The following AUTS2 variants were observed in gnomAD, a reference collection of about 807,000 sequenced individuals.
AUTS2 encodes autism susceptibility gene 2 protein.
In AUTS2, 17 loss-of-function variants were observed where a neutral mutation model predicts 112.4. The ratio of observed to expected loss-of-function variants is 0.15; its 90% CI spans 0.10 to 0.23. The LOEUF is 0.23. Ranked by LOEUF, AUTS2 falls within the 10% of genes least tolerant of loss-of-function variation. The pLI, the probability that AUTS2 is intolerant of heterozygous loss-of-function variation, is 1.00. For synonymous variants in AUTS2, 751 were observed against 702.7 expected (o/e 1.07, Z -1.09); for missense variants, 1,510 against 1,701.6 (o/e 0.89, Z 1.98).
At chr7:69,619,004 A>G (rs1038091102) in intron 1 of AUTS2, among the ~76,000 whole-genome samples, 9 of 152,186 alleles carry the variant, frequency 5.9e-5, no homozygotes, top group Admixed American at 1.3e-4. Flanking sequence ...CGAGGATTCT[A>G]TCATGCAGTC....
Position 70,166,439 on chromosome 7 carries a change from A to G in AUTS2, c.660+31868A>G, listed in dbSNP as rs546199774. On this transcript the variant is annotated intron_variant, in intron 4 of 18. Coordinates refer to ENST00000342771, the MANE Select transcript of AUTS2 (RefSeq NM_015570.4). ...ATGTTAAAATAAAATTTTGGCAATA[A>G]TACCTTAAAGGATGGGAGGGAGGAA... Among the ~76,000 whole-genome samples the G allele has an allele frequency of 7.9e-5, 12 of 152,264 alleles. No individual in the cohort carries two copies. In the South Asian group the frequency reaches 2.5e-3, roughly 32 times the overall value.
chr7:70,274,052 T>C (rs1787817463), intron 4 of AUTS2, among the ~76,000 whole-genome samples: 1 of 152,168 alleles, frequency 6.6e-6, no homozygotes, highest in East Asian at 1.9e-4. Flanking sequence ...TGAATTGCTT[T>C]GCTTTCCTCT....
intron 3 of AUTS2, 34 bp downstream of exon 3, chr7:70,118,267 A>AG (rs773344246): frequency 4.4e-4 from 649 of 1,467,698 alleles, no homozygotes; most frequent in Non-Finnish European, 5.7e-4. Flanking sequence ...AAAAAAAAAA[A>AG]TTAACGAAAA....
intron 1 of AUTS2, among the ~76,000 whole-genome samples, chr7:69,686,060 G>A (rs544065115): frequency 1.8e-4 from 28 of 152,312 alleles, no homozygotes; most frequent in African/African-American, 6.3e-4. Flanking sequence ...TAGACTTCAT[G>A]TATGGAACCA....
At chr7:70,619,097 C>A (rs891502062) in intron 5 of AUTS2, among the ~76,000 whole-genome samples, 2 of 152,194 alleles carry the variant, frequency 1.3e-5, no homozygotes, top group Non-Finnish European at 2.9e-5. Flanking sequence ...AGCCACCAGG[C>A]TCTCCCTGGG....
intron 4 of AUTS2, among the ~76,000 whole-genome samples, chr7:70,209,659 G>C (rs955512277): frequency 2.0e-5 from 3 of 152,180 alleles, no homozygotes; most frequent in Admixed American, 1.3e-4. Flanking sequence ...AAGAGAAAAA[G>C]GTGTTTCATA....
At chr7:70,499,858 A>G (rs1375990840) in intron 5 of AUTS2, among the ~76,000 whole-genome samples, 1 of 152,226 alleles carries the variant, frequency 6.6e-6, no homozygotes, top group Non-Finnish European at 1.5e-5. Context: ...AGGTCTGACC[A>G]AATGATAGAA....
rs185419396 is a variant in AUTS2 at position 69,738,464 on chromosome 7, T to G, written c.309+138502T>G. 3.0e-3 allele frequency among the ~76,000 whole-genome samples: 453 copies of G among 152,324 alleles called. 2 individuals carry two copies. The highest frequency in any genetic ancestry group is 4.7e-3 in the Non-Finnish European group (323 of 68,032). The stretch of plus-strand genomic sequence containing the variant: ...AAGAGTCTTGTGGTTAGTCAGCTTC[T>G]GTGAGAGTGAGAGTGGGCTGCCCTG... On this transcript the variant is annotated intron_variant, in intron 1 of 18. Transcript: ENST00000342771.
chr7:70,126,425 A>G (rs1805973882), intron 3 of AUTS2, among the ~76,000 whole-genome samples: 1 of 151,820 alleles, frequency 6.6e-6, no homozygotes, highest in Non-Finnish European at 1.5e-5. Flanking sequence ...AAGAAGAAAA[A>G]CCCAAATATG....
chr7:69,806,189 A>C lies in AUTS2; in HGVS notation c.310-93097A>C, dbSNP rs1790295157. 2.4e-5 allele frequency among the ~76,000 whole-genome samples: 3 copies of C among 123,852 alleles called. No individual in the cohort carries two copies. The South Asian group carries it at 8.9e-4, about 37-fold the overall frequency. 81.3% of individuals were successfully genotyped at this position (123,852 alleles called of 152,430 possible). A position where few individuals can be genotyped will look rare whatever the true frequency, so the allele number is the denominator to read the frequency against. Reference sequence around the variant, plus strand: ...ATTACAGATGGGAGCCACCATGCCCAGCCAAGGCTTTTTTTTTTTTTTTTT... The same window carrying C: ...ATTACAGATGGGAGCCACCATGCCCCGCCAAGGCTTTTTTTTTTTTTTTTT... On this transcript the variant is annotated intron_variant, in intron 1 of 18. Coordinates refer to ENST00000342771, the MANE Select transcript of AUTS2 (RefSeq NM_015570.4).
chr7:70,293,337 C>T (rs1427805486), intron 4 of AUTS2: 3 of 152,156 alleles, frequency 2.0e-5, no homozygotes, highest in Non-Finnish European at 2.9e-5. Flanking sequence ...AAGAGTAAAA[C>T]TTAAGTGTCT....
chr7:70,608,886 G>A (rs906256396), intron 5 of AUTS2, among the ~76,000 whole-genome samples: 6 of 152,164 alleles, frequency 3.9e-5, no homozygotes, highest in Non-Finnish European at 8.8e-5. Context: ...TTGCAGCAAG[G>A]TGCTGTCATA....
intron 2 of AUTS2, among the ~76,000 whole-genome samples, chr7:69,915,938 C>T (rs1460445344): frequency 2.6e-5 from 4 of 152,178 alleles, no homozygotes; most frequent in Non-Finnish European, 5.9e-5. Flanking sequence ...AGGCTGGTCT[C>T]GAGCTCTTGA....
intron 5 of AUTS2, among the ~76,000 whole-genome samples, chr7:70,486,550 A>G (rs915340060): frequency 6.6e-6 from 1 of 152,200 alleles, no homozygotes; most frequent in Non-Finnish European, 1.5e-5. Context: ...AGCCTGACCA[A>G]TATGGCAAAA....
intron 4 of AUTS2, among the ~76,000 whole-genome samples, chr7:70,173,158 C>A (rs1808793770): frequency 6.6e-6 from 1 of 152,034 alleles, no homozygotes; most frequent in African/African-American, 2.4e-5. Context: ...GTAGGTGGAT[C>A]ACGAGGTCAG....
At chr7:69,805,782 G>A (rs1790274824) in intron 1 of AUTS2, among the ~76,000 whole-genome samples, 1 of 152,218 alleles carries the variant, frequency 6.6e-6, no homozygotes, top group Non-Finnish European at 1.5e-5. Context: ...GATGTCCCCA[G>A]TGAGCAATAA....
rs1247989101 is a variant in AUTS2 at position 70,249,942 on chromosome 7, A to G, written c.660+115371A>G. 2.0e-5 allele frequency among the ~76,000 whole-genome samples: 3 copies of G among 150,146 alleles called. No individual in the cohort carries two copies. In the East Asian group the frequency reaches 5.9e-4, roughly 29 times the overall value. ...TTTACTTTTAAAATATTAATTTTTT[A>G]CTTAAAACATTAATTTACTTAAAAT... On this transcript the variant is annotated intron_variant, in intron 4 of 18. Transcript: ENST00000342771.
chr7:69,637,825 C>G (rs1794619400), intron 1 of AUTS2, among the ~76,000 whole-genome samples: 1 of 152,254 alleles, frequency 6.6e-6, no homozygotes, highest in African/African-American at 2.4e-5. Flanking sequence ...GGCTGTTATA[C>G]CTCGTGTATG....
chr7:70,685,499 A>G (rs1352830675), intron 5 of AUTS2, among the ~76,000 whole-genome samples: 1 of 151,454 alleles, frequency 6.6e-6, no homozygotes, highest in African/African-American at 2.4e-5. Context: ...AAAAAGAAGA[A>G]GAAAAAAGAG....
Sources: gnomAD v4.1 joint callset for allele counts (sites outside exome capture counted in the v4.1 genomes callset) on GRCh38, gnomAD v4.1.1 for gene constraint, MANE v1.5 for transcripts, NCBI Gene and HGNC (gene_info 2026-07-23, HGNC 2026-07-21) for gene names.